The following ERC2 variants were observed in gnomAD, a reference collection of about 807,000 sequenced individuals.
ERC2 encodes ERC protein 2.
In ERC2, 42 loss-of-function variants were observed where a neutral mutation model predicts 114.8. That is an observed-to-expected ratio of 0.37 (90% CI 0.29 to 0.47). The LOEUF is 0.47. ERC2 is among the 20% of genes least tolerant of loss of function. The pLI, the probability that ERC2 is intolerant of heterozygous loss-of-function variation, is 0.99. For synonymous variants in ERC2, 454 were observed against 425.5 expected (o/e 1.07, Z -0.82); for missense variants, 939 against 1,150.7 (o/e 0.82, Z 2.66).
At chr3:55,550,354 A>C (rs938416706) in intron 17 of ERC2, among the ~76,000 whole-genome samples, 2 of 152,128 alleles carry the variant, frequency 1.3e-5, no homozygotes, top group African/African-American at 4.8e-5. Flanking sequence ...ACTTAGTTCC[A>C]TCTCTTTCAC....
chr3:55,690,526 G>T (rs2062586748), intron 16 of ERC2, among the ~76,000 whole-genome samples: 1 of 152,140 alleles, frequency 6.6e-6, no homozygotes, highest in Admixed American at 6.5e-5. Flanking sequence ...GTAAGCTGGA[G>T]AGTGCAGGCT....
At chr3:55,783,938 AC>A (rs1432657503) in intron 14 of ERC2, among the ~76,000 whole-genome samples, 9 of 152,100 alleles carry the variant, frequency 5.9e-5, no homozygotes, top group Middle Eastern at 3.4e-3. Flanking sequence ...TAACTACTCT[AC>A]AGGTTACCAG....
At chr3:56,197,821 A>T (rs2048191272) in intron 3 of ERC2, among the ~76,000 whole-genome samples, 2 of 152,222 alleles carry the variant, frequency 1.3e-5, no homozygotes, top group Non-Finnish European at 2.9e-5. Context: ...AAAAGGATAA[A>T]CTAGATACTT....
intron 2 of ERC2, among the ~76,000 whole-genome samples, chr3:56,370,646 G>C (rs2059330710): frequency 7.0e-6 from 1 of 142,616 alleles, no homozygotes; most frequent in African/African-American, 2.6e-5. Context: ...CCAGGCTGTA[G>C]TGCAGTGGCG....
rs527273513 is a variant in ERC2 at position 56,253,990 on chromosome 3, C to T, written c.1074+42029G>A. ...CAAGGTCTTAATAAGAGTTTAATACCTGCATATAGGATTGGTGTTTCAATG... is the reference window on the plus strand; with the variant it reads ...CAAGGTCTTAATAAGAGTTTAATACTTGCATATAGGATTGGTGTTTCAATG... On this transcript the variant is annotated intron_variant, in intron 3 of 17. Transcript: ENST00000288221. Among the ~76,000 whole-genome samples, 5 of 152,330 alleles carry T rather than the reference C, an allele frequency of 3.3e-5. No individual in the cohort carries two copies. The South Asian group carries it at 6.2e-4, about 19-fold the overall frequency.
intron 7 of ERC2, among the ~76,000 whole-genome samples, chr3:56,064,756 A>G (rs2076395370): frequency 6.6e-6 from 1 of 150,448 alleles, no homozygotes; most frequent in Non-Finnish European, 1.5e-5. Flanking sequence ...AGAGTTGCCT[A>G]GAGGCTGTAA....
At chr3:55,984,137 C>T (rs954506632) in intron 12 of ERC2, among the ~76,000 whole-genome samples, 1 of 152,118 alleles carries the variant, frequency 6.6e-6, no homozygotes, top group Non-Finnish European at 1.5e-5. Context: ...CTTGATGTAA[C>T]TCCTATAGTT....
In ERC2 at chr3:56,435,121, T is replaced by C. The variant is rs2061959438; in HGVS notation, c.-114A>G. The C allele has an allele frequency of 4.0e-6, 3 of 741,456 alleles. No homozygotes were observed. 45.9% of individuals were successfully genotyped at this position (741,456 alleles called of 1,614,324 possible). On this transcript the variant is annotated 5_prime_UTR_variant, in exon 2 of 18. Transcript: ENST00000288221. ...TTCACCGCATTCTTTTCACAGTCCG[T>C]ACCAGAAAATAACTCCACTCAGAGA...
At chr3:55,723,665 G>T (rs1052141591) in intron 15 of ERC2, among the ~76,000 whole-genome samples, 1 of 151,870 alleles carries the variant, frequency 6.6e-6, no homozygotes, top group African/African-American at 2.4e-5. Flanking sequence ...GAGAGGAGAG[G>T]GTGAAAAATC....
chr3:56,001,626 G>A (rs1471000943), intron 10 of ERC2, among the ~76,000 whole-genome samples: 1 of 152,110 alleles, frequency 6.6e-6, no homozygotes, highest in African/African-American at 2.4e-5. Flanking sequence ...AGTTGATGAT[G>A]CCATGTCACT....
chr3:55,991,982 A>G (rs1174351313), intron 11 of ERC2, 75 bp downstream of exon 11: 2 of 1,339,424 alleles, frequency 1.5e-6, no homozygotes, highest in Admixed American at 3.7e-5. Context: ...GTCCAAATCC[A>G]CCACAACCGG....
chr3:55,766,524 G>C (rs145672078), intron 14 of ERC2, among the ~76,000 whole-genome samples: 6 of 152,256 alleles, frequency 3.9e-5, no homozygotes, highest in African/African-American at 1.4e-4. Context: ...GACCCAAGGA[G>C]ACTGGGCAGG....
intron 14 of ERC2, among the ~76,000 whole-genome samples, chr3:55,831,230 C>A (rs1293156647): frequency 6.7e-6 from 1 of 148,210 alleles, no homozygotes; most frequent in Non-Finnish European, 1.5e-5. Flanking sequence ...GAGAACTGGT[C>A]AAGCCCAGAA....
intron 2 of ERC2, among the ~76,000 whole-genome samples, chr3:56,332,392 C>T (rs931719738): frequency 1.3e-5 from 2 of 152,102 alleles, no homozygotes; most frequent in African/African-American, 4.8e-5. Context: ...TCATTTAAAC[C>T]ATTGCATTTA....
intron 14 of ERC2, among the ~76,000 whole-genome samples, chr3:55,775,048 T>C (rs2068491863): frequency 6.6e-6 from 1 of 151,850 alleles, no homozygotes; most frequent in South Asian, 2.1e-4. Context: ...CTTGTGGGAG[T>C]CTTTCCACAG....
chr3:56,345,115 C>T (rs73832594), intron 2 of ERC2, among the ~76,000 whole-genome samples: 2,999 of 152,304 alleles, frequency 0.02, 104 homozygotes, highest in African/African-American at 0.066. Flanking sequence ...AATGAATGGG[C>T]ATGGCTATAT....
intron 6 of ERC2, among the ~76,000 whole-genome samples, chr3:56,115,396 A>G (rs970155862): frequency 6.6e-6 from 1 of 152,002 alleles, no homozygotes; most frequent in Non-Finnish European, 1.5e-5. Flanking sequence ...GGCTAACCAT[A>G]GGGTTGGTTC....
chr3:56,247,537 A>T (rs992246549), intron 3 of ERC2, among the ~76,000 whole-genome samples: 1 of 152,238 alleles, frequency 6.6e-6, no homozygotes, highest in East Asian at 1.9e-4. Context: ...TGCCCAGTCC[A>T]TACAAACTGG....
intron 14 of ERC2, among the ~76,000 whole-genome samples, chr3:55,765,449 G>A (rs1186704872): frequency 6.6e-6 from 1 of 152,210 alleles, no homozygotes; most frequent in Non-Finnish European, 1.5e-5. Flanking sequence ...CTAGAGATAA[G>A]TGCAGCAATC....
Sources: allele counts gnomAD v4.1 joint callset (sites outside exome capture counted in the v4.1 genomes callset), GRCh38; gene constraint gnomAD v4.1.1; transcripts MANE v1.5; gene names NCBI Gene and HGNC (gene_info 2026-07-23, HGNC 2026-07-21).